The following ZCCHC24 variants were observed in gnomAD, a reference collection of about 807,000 sequenced individuals.
The protein encoded by ZCCHC24 is zinc finger CCHC domain-containing protein 24.
Under a neutral mutation model 26.2 loss-of-function variants are expected in ZCCHC24, and 10 were observed. That is an observed-to-expected ratio of 0.38 (90% confidence interval 0.24 to 0.65). The LOEUF (loss-of-function observed/expected upper bound fraction) is 0.65, where lower values mean the gene tolerates loss of function less well. Ranked by LOEUF, ZCCHC24 falls within the 30% of genes least tolerant of loss-of-function variation. The pLI is 0.54. For synonymous variants in ZCCHC24, 144 were observed against 147.1 expected (o/e 0.98, Z 0.15); for missense variants, 243 against 329.1 (o/e 0.74, Z 2.03).
rs192825720 is a variant in ZCCHC24, at chr10:79,402,041, G to A, written c.448-7601C>T. 3.8e-3 allele frequency among the ~76,000 whole-genome samples: 582 copies of A among 152,294 alleles called. 4 individuals carry two copies. Among genetic ancestry groups the A allele is most frequent in the African/African-American group, 0.013 (543 of 41,556 alleles). On this transcript the variant is annotated intron_variant, in intron 2 of 3. Transcript: ENST00000372336. ...ACAGGGGTGGGGCAACTAGTCCACA[G>A]AGGGGGCGCAGGGCTGACCACGGAC...
intron 2 of ZCCHC24, chr10:79,403,579 G>A (rs1856667961): frequency 1.0e-6 from 1 of 985,306 alleles, no homozygotes; most frequent in South Asian, 4.7e-5. Context: ...GAGGGAGGAA[G>A]GACGCGGCAA....
rs188710968 is a variant in ZCCHC24, at chr10:79,393,698, C to T, written c.612+578G>A. ...CCAAGCCTCTTGCTGCCCTCTCCTG[C>T]GCTTTCACTGAACCGTGGGCCTGAA... On this transcript the variant is annotated intron_variant, in intron 3 of 3. Transcript: ENST00000372336. 6.2e-4 allele frequency among the ~76,000 whole-genome samples: 95 copies of T among 152,332 alleles called. No homozygotes were observed. In the South Asian group the frequency reaches 0.016, roughly 25 times the overall value.
intron 3 of ZCCHC24, among the ~76,000 whole-genome samples, chr10:79,388,191 C>T (rs999382702): frequency 1.3e-5 from 2 of 152,116 alleles, no homozygotes; most frequent in Non-Finnish European, 2.9e-5. Context: ...TCTCACCAGA[C>T]AACTCAATGG....
chr10:79,431,717 C>A (rs1857132592), intron 2 of ZCCHC24, among the ~76,000 whole-genome samples: 1 of 152,136 alleles, frequency 6.6e-6, no homozygotes, highest in Non-Finnish European at 1.5e-5. Flanking sequence ...ACATGCATTT[C>A]CAGAGTTTCC....
intron 2 of ZCCHC24, among the ~76,000 whole-genome samples, chr10:79,430,693 C>CACAA (rs1857114580): frequency 6.6e-6 from 1 of 151,210 alleles, no homozygotes; most frequent in African/African-American, 2.4e-5. Flanking sequence ...ACACCACACA[C>CACAA]ACACACACAC....
chr10:79,411,963 G>A (rs1312180333), intron 2 of ZCCHC24, among the ~76,000 whole-genome samples: 1 of 152,214 alleles, frequency 6.6e-6, no homozygotes, highest in Non-Finnish European at 1.5e-5. Context: ...AGCCCTGGCT[G>A]TCTCTCCTGC....
intron 2 of ZCCHC24, among the ~76,000 whole-genome samples, chr10:79,407,133 C>T (rs1027177695): frequency 2.6e-5 from 4 of 152,234 alleles, no homozygotes; most frequent in Non-Finnish European, 5.9e-5. Context: ...TGGACACACG[C>T]CCCGCAACCT....
intron 2 of ZCCHC24, among the ~76,000 whole-genome samples, chr10:79,412,318 T>G (rs58011543): frequency 1.3e-5 from 2 of 152,214 alleles, no homozygotes; most frequent in South Asian, 4.1e-4. Context: ...TTGGGTCCCC[T>G]GGACTTGGCA....
chr10:79,417,107 A>C (rs1367162220), intron 2 of ZCCHC24, among the ~76,000 whole-genome samples: 1 of 152,212 alleles, frequency 6.6e-6, no homozygotes, highest in African/African-American at 2.4e-5. Flanking sequence ...GATCACAATC[A>C]AAAGAGAATA....
intron 1 of ZCCHC24, among the ~76,000 whole-genome samples, chr10:79,439,996 G>C (rs1304388288): frequency 1.3e-5 from 2 of 152,096 alleles, no homozygotes; most frequent in African/African-American, 4.8e-5. Context: ...AGCAGCAATA[G>C]CAAGTGCAGG....
At chr10:79,441,859 C>T (rs114519658) in intron 1 of ZCCHC24, among the ~76,000 whole-genome samples, 2,236 of 152,314 alleles carry the variant, frequency 0.015, 61 homozygotes, top group African/African-American at 0.049. Context: ...AGTGAGACAG[C>T]CACATCTCCC....
intron 3 of ZCCHC24, among the ~76,000 whole-genome samples, chr10:79,388,441 C>T (rs1237067591): frequency 1.3e-5 from 2 of 152,232 alleles, no homozygotes; most frequent in Non-Finnish European, 2.9e-5. Flanking sequence ...GAGCCCACCG[C>T]TCAGTTTACT....
rs146129958 is a variant in ZCCHC24, at chr10:79,440,473, G to A, written c.246+4722C>T. ...ATGTCGGAGGCACTGAGGCTTGATAGGATGGCCCCGTCCAGACGGATTGCT... is the reference window on the plus strand; with the variant it reads ...ATGTCGGAGGCACTGAGGCTTGATAAGATGGCCCCGTCCAGACGGATTGCT... On this transcript the variant is annotated intron_variant, in intron 1 of 3. Coordinates refer to ENST00000372336, the MANE Select transcript of ZCCHC24 (RefSeq NM_153367.4). Among the ~76,000 whole-genome samples, 30 of 152,334 alleles carry A rather than the reference G, an allele frequency of 2.0e-4. No individual in the cohort carries two copies. In the East Asian group the frequency reaches 5.8e-3, roughly 29 times the overall value.
intron 2 of ZCCHC24, among the ~76,000 whole-genome samples, chr10:79,428,586 A>C (rs1261005448): frequency 6.6e-6 from 1 of 152,208 alleles, no homozygotes; most frequent in Non-Finnish European, 1.5e-5. Context: ...TAAGATGGTA[A>C]ATTTTATGCC....
At chr10:79,403,663 C>G in intron 2 of ZCCHC24, 1 of 934,598 alleles carries the variant, frequency 1.1e-6, no homozygotes, top group Non-Finnish European at 1.3e-6. Context: ...CCTCCTTGCC[C>G]AGGGCCCCCT....
intron 3 of ZCCHC24, among the ~76,000 whole-genome samples, chr10:79,389,919 T>A (rs1856454174): frequency 6.6e-6 from 1 of 152,130 alleles, no homozygotes; most frequent in South Asian, 2.1e-4. Flanking sequence ...CCTGGCTGAC[T>A]GTCTTTTTTA....
At chr10:79,444,040 C>A in intron 1 of ZCCHC24, 1 of 1,503,134 alleles carries the variant, frequency 6.7e-7, no homozygotes, top group Non-Finnish European at 8.9e-7. Flanking sequence ...CCCCAGCACA[C>A]CCTTGCGTAC....
intron 2 of ZCCHC24, among the ~76,000 whole-genome samples, chr10:79,411,137 C>T (rs1378738773): frequency 6.6e-6 from 1 of 152,176 alleles, no homozygotes; most frequent in Non-Finnish European, 1.5e-5. Context: ...TAACTGTTTG[C>T]CCTGGCTCCT....
intron 3 of ZCCHC24, among the ~76,000 whole-genome samples, chr10:79,387,369 G>A (rs1856411878): frequency 6.6e-6 from 1 of 152,192 alleles, no homozygotes. Context: ...GCACAGACGA[G>A]CACATTTCTA....
Sources: allele counts gnomAD v4.1 joint callset (sites outside exome capture counted in the v4.1 genomes callset), GRCh38; gene constraint gnomAD v4.1.1; transcripts MANE v1.5; gene names NCBI Gene and HGNC (gene_info 2026-07-23, HGNC 2026-07-21).